The following SLC23A2 variants were observed in gnomAD, a reference collection of about 807,000 sequenced individuals.
SLC23A2 encodes the protein Na(+)/L-ascorbic acid transporter 2.
Under a neutral mutation model 73.3 loss-of-function variants are expected in SLC23A2, and 36 were observed. That is an observed-to-expected ratio of 0.49 (90% confidence interval 0.38 to 0.65). The LOEUF is 0.65. Among genes scored for constraint, SLC23A2 ranks in the 30% least tolerant of loss-of-function variants. The probability of loss-of-function intolerance (pLI) is 0.00; values close to 1 mark genes in which losing one functional copy is unlikely to be tolerated. For missense variants in SLC23A2, 507 were observed against 841.6 expected (o/e 0.60, Z 4.92); for synonymous variants, 343 against 327.3 (o/e 1.05, Z -0.52).
upstream of SLC23A2, among the ~76,000 whole-genome samples, chr20:5,004,566 C>T (rs1027549657): frequency 6.6e-6 from 1 of 152,106 alleles, no homozygotes; most frequent in African/African-American, 2.4e-5. Context: ...TAATTGGAGA[C>T]CAGGCACAGT....
At chr20:4,987,741 G>C (rs1042688918) in intron 1 of SLC23A2, among the ~76,000 whole-genome samples, 6 of 151,658 alleles carry the variant, frequency 4.0e-5, no homozygotes, top group African/African-American at 1.5e-4. Flanking sequence ...CCAGCTACTC[G>C]GGAGGCTGAG....
In SLC23A2 at chr20:4,861,966, G is replaced by A; in HGVS notation, c.1606C>T (p.Gln536Ter). 6.2e-7 allele frequency: 1 copy of A among 1,614,170 alleles called. No individual in the cohort carries two copies. Among genetic ancestry groups the A allele is most frequent in the Non-Finnish European group, 8.5e-7 (1 of 1,180,020 alleles). The change falls in exon 15 of 17, where the codon CAG becomes TAG. Residue 536 changes from glutamine to a stop codon, truncating the protein, a stop_gained. Coordinates refer to ENST00000338244, the MANE Select transcript of SLC23A2 (RefSeq NM_005116.6). LOFTEE classifies it high-confidence loss of function. The part of the protein sequence containing the change: ...FGLVLPSYLR[Q>*]NPLVTGITGI... Reference sequence around the variant, plus strand: ...TCCTCACCTGTGACCAGAGGGTTCTGTCTGAGGTAACTTGGAAGGACGAGC... The same window carrying A: ...TCCTCACCTGTGACCAGAGGGTTCTATCTGAGGTAACTTGGAAGGACGAGC...
intron 1 of SLC23A2, among the ~76,000 whole-genome samples, chr20:4,980,900 C>T (rs1055389288): frequency 2.0e-5 from 3 of 152,150 alleles, no homozygotes; most frequent in African/African-American, 4.8e-5. Flanking sequence ...TTTATGTATA[C>T]GCGTTCCACC....
intron 4 of SLC23A2, among the ~76,000 whole-genome samples, chr20:4,908,335 A>T (rs996070420): frequency 6.6e-6 from 1 of 152,230 alleles, no homozygotes; most frequent in Non-Finnish European, 1.5e-5. Context: ...GCTGAGAGAG[A>T]TTCTACAAAG....
chr20:5,003,569 T>C (rs975850270), upstream of SLC23A2, among the ~76,000 whole-genome samples: 1 of 151,864 alleles, frequency 6.6e-6, no homozygotes, highest in African/African-American at 2.4e-5. Context: ...TGGAGTCTTC[T>C]GATTAGAAGG....
chr20:4,934,616 G>A (rs576376398), intron 2 of SLC23A2, among the ~76,000 whole-genome samples: 2 of 151,972 alleles, frequency 1.3e-5, no homozygotes, highest in African/African-American at 4.8e-5. Context: ...AATCCCAGCA[G>A]TTTGAGAGGC....
chr20:4,934,281 T>C (rs1423025032), intron 2 of SLC23A2, among the ~76,000 whole-genome samples: 1 of 152,124 alleles, frequency 6.6e-6, no homozygotes, highest in African/African-American at 2.4e-5. Context: ...CCATCACAAC[T>C]CGGGGAGAGC....
chr20:4,987,780 G>A (rs1380988411), intron 1 of SLC23A2, among the ~76,000 whole-genome samples: 5 of 151,858 alleles, frequency 3.3e-5, no homozygotes, highest in South Asian at 2.1e-4. Context: ...CTCTGGAGGC[G>A]GAGCTTGCAG....
rs1047347467 is a variant in SLC23A2, at chr20:4,866,305, A to G, written c.1356+1465T>C. Among the ~76,000 whole-genome samples the G allele has an allele frequency of 3.3e-5, 5 of 152,250 alleles. No homozygotes were observed. In the South Asian group the frequency reaches 1.0e-3, roughly 31 times the overall value. ...AACAAACAATATTAGTTCAGAAACA[A>G]TATTTTTGAATTGAAGTTGGTAGAA... is the stretch of plus-strand genomic sequence containing the variant. On this transcript the variant is annotated intron_variant, in intron 13 of 16. Coordinates refer to ENST00000338244, the MANE Select transcript of SLC23A2 (RefSeq NM_005116.6).
intron 8 of SLC23A2, 75 bp downstream of exon 8, chr20:4,884,678 A>G: frequency 1.0e-6 from 1 of 954,470 alleles, no homozygotes; most frequent in Non-Finnish European, 1.7e-6. Flanking sequence ...AGTAACTGCT[A>G]TTTCTTGGGT....
At chr20:4,870,850 T>C (rs1420383085) in intron 11 of SLC23A2, among the ~76,000 whole-genome samples, 7 of 152,230 alleles carry the variant, frequency 4.6e-5, no homozygotes, top group African/African-American at 1.7e-4. Flanking sequence ...CCATAAGGTA[T>C]GGACAGTCCT....
upstream of SLC23A2, among the ~76,000 whole-genome samples, chr20:5,004,695 TA>T (rs1404790029): frequency 1.3e-5 from 2 of 151,542 alleles, no homozygotes; most frequent in African/African-American, 2.4e-5. Flanking sequence ...AATAAATAAA[TA>T]AATTAATTAA....
rs1054911990 is a variant in SLC23A2, at chr20:4,873,943, T to A, written c.1095A>T (p.Pro365=). 1.9e-6 allele frequency: 3 copies of A among 1,613,444 alleles called. No homozygotes were observed. Among genetic ancestry groups the A allele is most frequent in the Non-Finnish European group, 2.5e-6 (3 of 1,179,610 alleles). The change falls in exon 11 of 17, where the codon CCA becomes CCT. Residue 365 remains proline (P), a synonymous_variant. Coordinates refer to ENST00000338244, the MANE Select transcript of SLC23A2 (RefSeq NM_005116.6). The stretch of plus-strand genomic sequence containing the variant: ...AGCCATCAGAATACTTACATGGGTA[T>A]GGAACCTTAAACCACGGGGCTACCA... ...VLLVAPWFKV[P]YPFQWGLPTV...
chr20:4,957,099 G>A (rs2681109), intron 2 of SLC23A2, among the ~76,000 whole-genome samples: 7,740 of 151,882 alleles, frequency 0.051, 249 homozygotes, highest in Middle Eastern at 0.1. Flanking sequence ...GAGTTACTGC[G>A]CCCGGCCTCC....
chr20:4,923,970 T>C (rs1932582486), intron 3 of SLC23A2, among the ~76,000 whole-genome samples: 1 of 152,188 alleles, frequency 6.6e-6, no homozygotes, highest in South Asian at 2.1e-4. Flanking sequence ...CCACTTGTCT[T>C]AAAGAAGGGA....
At chr20:4,943,517 AC>A (rs1228537957) in intron 2 of SLC23A2, among the ~76,000 whole-genome samples, 2 of 140,094 alleles carry the variant, frequency 1.4e-5, no homozygotes, top group African/African-American at 3.0e-5. Context: ...AAAAAAAAAA[AC>A]AGAAAAATTA....
At chr20:4,879,408 C>CAAAAAAAAAAAAA (rs111565515) in intron 9 of SLC23A2, among the ~76,000 whole-genome samples, 619 of 42,976 alleles carry the variant, frequency 0.014, 37 homozygotes, top group Non-Finnish European at 0.016. Flanking sequence ...AACTCTGTCT[C>CAAAAAAAAAAAAA]AAAAAAAAAA....
At chr20:4,907,693 T>C (rs1250473272) in intron 4 of SLC23A2, among the ~76,000 whole-genome samples, 3 of 152,010 alleles carry the variant, frequency 2.0e-5, no homozygotes, top group African/African-American at 7.2e-5. Flanking sequence ...AGGTAAGAGT[T>C]AAGTGTTAAA....
At chr20:4,895,466 G>A (rs1931484478) in intron 6 of SLC23A2, among the ~76,000 whole-genome samples, 1 of 152,154 alleles carries the variant, frequency 6.6e-6, no homozygotes, top group Admixed American at 6.5e-5. Flanking sequence ...TCTAAAATAT[G>A]AGTTCACATT....
Sources: allele counts gnomAD v4.1 joint callset (sites outside exome capture counted in the v4.1 genomes callset), GRCh38; gene constraint gnomAD v4.1.1; transcripts MANE v1.5; gene names NCBI Gene and HGNC (gene_info 2026-07-23, HGNC 2026-07-21).